The following MIGA2 variants were observed in gnomAD, a reference collection of about 807,000 sequenced individuals.
MIGA2 encodes family with sequence similarity 73, member B.
In MIGA2, 36 loss-of-function variants were observed where a neutral mutation model predicts 69.9. The ratio of observed to expected loss-of-function variants is 0.52; its 90% confidence interval spans 0.39 to 0.68. The LOEUF is 0.68. Ranked by LOEUF, MIGA2 falls within the 30% of genes least tolerant of loss-of-function variation. The probability of loss-of-function intolerance (pLI) is 0.00; values close to 1 mark genes in which losing one functional copy is unlikely to be tolerated. For missense variants in MIGA2, 660 were observed against 787.7 expected, an observed-to-expected ratio of 0.84 and a Z score of 1.94; for synonymous variants, 333 against 349.2, an observed-to-expected ratio of 0.95 and a Z score of 0.52.
chr9:129,041,493 C>CA (rs980559459), intron 2 of MIGA2, among the ~76,000 whole-genome samples: 28 of 142,504 alleles, frequency 2.0e-4, no homozygotes, highest in South Asian at 4.4e-4. Flanking sequence ...GACTCCGTCT[C>CA]AAAAAAAAAA....
At chr9:129,050,037 G>T in intron 6 of MIGA2, 74 bp downstream of exon 6, 1 of 1,538,194 alleles carries the variant, frequency 6.5e-7, no homozygotes, top group South Asian at 1.2e-5. Context: ...GCCACACCTT[G>T]GGAGGCAGGC....
At position 129,069,362 on chromosome 9, in the gene MIGA2, G is replaced by T. The variant is rs1231227036; in HGVS notation, c.1458+233G>T. 3 of 596,366 alleles carry T rather than the reference G, an allele frequency of 5.0e-6. No individual in the cohort carries two copies. The highest frequency in any genetic ancestry group is 9.0e-6 in the Non-Finnish European group (3 of 335,098). The allele number at this position is 596,366 out of a possible 1,614,324, so 36.9% of individuals were successfully genotyped here. A position where few individuals can be genotyped will look rare whatever the true frequency, so the allele number is the denominator to read the frequency against. On this transcript the variant is annotated intron_variant, in intron 14 of 15. Transcript: ENST00000684074. This position sits in a 1 kb window ranked among gnomAD's most constrained non-coding sequence, Gnocchi z 4.9. ...AGAGCAGGCCACTGGGGAGGGGAACGGATACCCTAGGGTAGTGGCCACAGG... is the reference window on the plus strand; with the variant it reads ...AGAGCAGGCCACTGGGGAGGGGAACTGATACCCTAGGGTAGTGGCCACAGG...
chr9:129,063,478 C>T, intron 10 of MIGA2, 67 bp from the exon 11 acceptor site: 5 of 1,587,550 alleles, frequency 3.1e-6, no homozygotes, highest in Non-Finnish European at 4.3e-6. Flanking sequence ...CTTATGTGGC[C>T]CTCTCCGTGG....
chr9:129,056,206 T>G (rs1845789546), intron 6 of MIGA2, among the ~76,000 whole-genome samples: 1 of 152,178 alleles, frequency 6.6e-6, no homozygotes, highest in Admixed American at 6.6e-5. Context: ...CCCATTACTT[T>G]GTGCTATTTA....
rs1588404552 is a variant in MIGA2, at chr9:129,061,143, T to C, written c.895-88T>C. On this transcript the variant is annotated intron_variant, in intron 8 of 15. Coordinates refer to ENST00000684074, the MANE Select transcript of MIGA2 (RefSeq NM_001329990.2). The surrounding 1 kb of genome is among the most constrained non-coding windows in gnomAD (Gnocchi z 5.0). ...GTGGGCAGGCACCTGGGGTGGCCGCTGTGGCCGACCAATGGGCAGGTGCCC... is the reference window on the plus strand; with the variant it reads ...GTGGGCAGGCACCTGGGGTGGCCGCCGTGGCCGACCAATGGGCAGGTGCCC... The C allele has an allele frequency of 8.7e-7, 1 of 1,151,790 alleles. No individual in the cohort carries two copies. Among genetic ancestry groups the C allele is most frequent in the Non-Finnish European group, 1.3e-6 (1 of 787,778 alleles). The allele number at this position is 1,151,790 out of a possible 1,614,324, so 71.3% of individuals were successfully genotyped here.
chr9:129,070,361 T>C lies in MIGA2; in HGVS notation c.1690T>C (p.Leu564=), dbSNP rs200234998. The change falls in exon 16 of 16, where the codon TTG becomes CTG. Residue 564 remains leucine, a synonymous_variant. Transcript: ENST00000684074. The stretch of plus-strand genomic sequence containing the variant: ...GCTGTCCCGGCGCCGCAGCGAGATA[T>C]TGCTGGGGTACCTGGGGGTGCCCGC... ...LQLSRRRSEI[L]LGYLGVPAAS... 6.8e-5 allele frequency: 109 copies of C among 1,612,910 alleles called. 2 individuals are homozygous for C. In the South Asian group the frequency reaches 1.1e-3, roughly 17 times the overall value.
intron 6 of MIGA2, among the ~76,000 whole-genome samples, chr9:129,054,122 A>G (rs374325440): frequency 6.6e-6 from 1 of 152,156 alleles, no homozygotes; most frequent in South Asian, 2.1e-4. Context: ...TTGTGTATCT[A>G]TTATCACAAT....
intron 1 of MIGA2, among the ~76,000 whole-genome samples, chr9:129,038,789 C>CTTTTTTTTTTTTTTTTTTTTTTT (rs869238538): frequency 4.5e-5 from 4 of 89,074 alleles, no homozygotes; most frequent in South Asian, 4.1e-4. Flanking sequence ...TTTTGTTTGT[C>CTTTTTTTTTTTTTTTTTTTTTTT]TTTTTTTTTT....
At chr9:129,063,519 A>G (rs763483517) in intron 10 of MIGA2, 26 bp from the exon 11 acceptor site, 6 of 1,611,490 alleles carry the variant, frequency 3.7e-6, no homozygotes, top group Non-Finnish European at 5.1e-6. Flanking sequence ...CCGGCAGCTC[A>G]CTCCCCTCCC....
At chr9:129,038,271 C>A (rs1255649917) in intron 1 of MIGA2, among the ~76,000 whole-genome samples, 1 of 152,200 alleles carries the variant, frequency 6.6e-6, no homozygotes. Context: ...GACTGACAGG[C>A]TCCTCAGTCC....
intron 3 of MIGA2, among the ~76,000 whole-genome samples, chr9:129,044,673 C>T (rs1845113493): frequency 6.6e-6 from 1 of 152,116 alleles, no homozygotes; most frequent in African/African-American, 2.4e-5. Context: ...CTGCCTCAGC[C>T]TCCCGAGTAG....
Position 129,069,078 on chromosome 9 carries a change from C to G in MIGA2, c.1407C>G (p.Ala469=). 6.2e-7 allele frequency: 1 copy of G among 1,613,946 alleles called. No individual in the cohort carries two copies. The highest frequency in any genetic ancestry group is 8.5e-7 in the Non-Finnish European group (1 of 1,179,960). The part of the protein sequence containing the change: ...RWLSDSFKET[A]LATACWSVLK... ...GGGACATCCTATTTTTGATGTAGGC[C>G]TTGGCCACTGCTTGCTGGTCGGTCC... Residue 469 remains alanine (A), a splice_region_variant and synonymous_variant, in exon 14 of 16, where the codon GCC becomes GCG. Coordinates refer to ENST00000684074, the MANE Select transcript of MIGA2 (RefSeq NM_001329990.2). The surrounding 1 kb of genome is among the most constrained non-coding windows in gnomAD (Gnocchi z 4.9).
At position 129,060,516 on chromosome 9, in the gene MIGA2, T is replaced by G; in HGVS notation, c.794-34T>G. The G allele has an allele frequency of 6.6e-7, 1 of 1,518,548 alleles. No individual in the cohort carries two copies. The highest frequency in any genetic ancestry group is 9.0e-7 in the Non-Finnish European group (1 of 1,116,226). The allele number at this position is 1,518,548 out of a possible 1,614,324, so 94.1% of individuals were successfully genotyped here. ...TTCCAGCTGAGCACTGTGTGGGGAG[T>G]CTCAGCCCCGCTTTCTCTCACTGCT... is the stretch of plus-strand genomic sequence containing the variant. On this transcript the variant is annotated intron_variant, in intron 7 of 15. Coordinates refer to ENST00000684074, the MANE Select transcript of MIGA2 (RefSeq NM_001329990.2). This position sits in a 1 kb window ranked among gnomAD's most constrained non-coding sequence, Gnocchi z 4.8.
chr9:129,058,800 C>T (rs988611882), intron 6 of MIGA2, among the ~76,000 whole-genome samples: 1 of 152,138 alleles, frequency 6.6e-6, no homozygotes, highest in Non-Finnish European at 1.5e-5. Context: ...GCCTGGCAAC[C>T]TAAGTCCACA....
chr9:129,070,890 A>C lies in MIGA2; in HGVS notation c.*437A>C. ...CTCAGCATCCAGCTGGCCTGTCCTG[A>C]TGCCCTCCCCACCTCAACCGCCTTC... is the stretch of plus-strand genomic sequence containing the variant. On this transcript the variant is annotated 3_prime_UTR_variant, in exon 16 of 16. Coordinates refer to ENST00000684074, the MANE Select transcript of MIGA2 (RefSeq NM_001329990.2). The C allele has an allele frequency of 6.0e-6, 1 of 165,376 alleles. No homozygotes were observed. The highest frequency in any genetic ancestry group is 6.1e-5 in the Admixed American group (1 of 16,460). The allele number at this position is 165,376 out of a possible 1,614,324, so 10.2% of individuals were successfully genotyped here.
chr9:129,043,458 T>C (rs75368732), intron 3 of MIGA2, among the ~76,000 whole-genome samples: 705 of 148,772 alleles, frequency 4.7e-3, no homozygotes, highest in Non-Finnish European at 8.3e-3. Flanking sequence ...ACAATCTCGG[T>C]TCATTGCAGC....
intron 3 of MIGA2, among the ~76,000 whole-genome samples, chr9:129,047,392 A>T (rs2131352582): frequency 6.6e-6 from 1 of 150,892 alleles, no homozygotes; most frequent in South Asian, 2.1e-4. Context: ...TCTCTATTTT[A>T]AAAAATAACC....
At chr9:129,050,746 T>C (rs920606587) in intron 6 of MIGA2, among the ~76,000 whole-genome samples, 5 of 151,800 alleles carry the variant, frequency 3.3e-5, no homozygotes, top group Admixed American at 3.3e-4. Flanking sequence ...TAATTTTTTG[T>C]GTTTTTAGTA....
rs1011041213 is a variant in MIGA2, at chr9:129,057,902, G to A, written c.676-1252G>A. ...ATTATAGGTGTGAGCCACCTCACCC[G>A]GTCCATTTTTCTTCTTTATGATTTC... On this transcript the variant is annotated intron_variant, in intron 6 of 15. Transcript: ENST00000684074. Among the ~76,000 whole-genome samples, 5 of 151,952 alleles carry A rather than the reference G, an allele frequency of 3.3e-5. No individual in the cohort carries two copies. In the South Asian group the frequency reaches 6.2e-4, roughly 19 times the overall value.
Sources: allele counts gnomAD v4.1 joint callset (sites outside exome capture counted in the v4.1 genomes callset), GRCh38; gene constraint gnomAD v4.1.1; non-coding constraint Gnocchi (gnomAD v3.1); transcripts MANE v1.5; gene names NCBI Gene and HGNC (gene_info 2026-07-23, HGNC 2026-07-21).